The following SHANK2 variants were observed in gnomAD, a reference collection of about 807,000 sequenced individuals.
The protein encoded by SHANK2 is SH3 and multiple ankyrin repeat domains protein 2.
In SHANK2, 43 loss-of-function variants were observed where a neutral mutation model predicts 133.7. The ratio of observed to expected loss-of-function variants is 0.32; its 90% CI spans 0.25 to 0.41. The LOEUF is 0.41. Among genes scored for constraint, SHANK2 ranks in the 10% least tolerant of loss-of-function variants. The pLI is 1.00. For synonymous variants in SHANK2, 1,017 were observed against 952.8 expected (o/e 1.07, Z -1.24); for missense variants, 1,994 against 2,235.8 (o/e 0.89, Z 2.18).
At chr11:70,567,496 G>A (rs1447295407) in intron 17 of SHANK2, among the ~76,000 whole-genome samples, 2 of 152,018 alleles carry the variant, frequency 1.3e-5, no homozygotes, top group Non-Finnish European at 2.9e-5. Flanking sequence ...GTGTGGTGGC[G>A]GGTGCCTATA....
At chr11:70,782,068 T>C (rs1412663062) in intron 14 of SHANK2, among the ~76,000 whole-genome samples, 1 of 152,140 alleles carries the variant, frequency 6.6e-6, no homozygotes, top group Non-Finnish European at 1.5e-5. Flanking sequence ...ACAATGAGAA[T>C]ACTTATTTAT....
chr11:70,885,162 TCTCCCGTAAG>T (rs1352428372), intron 11 of SHANK2, among the ~76,000 whole-genome samples: 1 of 150,678 alleles, frequency 6.6e-6, no homozygotes, highest in African/African-American at 2.4e-5. Flanking sequence ...AACAAAGTCA[TCTCCCGTAAG>T]TGCCCTGGGA....
upstream of SHANK2, among the ~76,000 whole-genome samples, chr11:71,252,958 T>G (rs1591054462): frequency 6.6e-6 from 1 of 152,148 alleles, no homozygotes; most frequent in South Asian, 2.1e-4. The surrounding 1 kb of genome is among the most constrained non-coding windows in gnomAD (Gnocchi z 6.3). Flanking sequence ...CGCCACAGAG[T>G]ATTTATAATA....
At chr11:70,651,757 CA>C (rs2061342021) in intron 17 of SHANK2, among the ~76,000 whole-genome samples, 1 of 152,170 alleles carries the variant, frequency 6.6e-6, no homozygotes, top group African/African-American at 2.4e-5. Flanking sequence ...CCTTGATGAC[CA>C]AAGCACCAAT....
chr11:70,805,523 G>A (rs535752495), intron 13 of SHANK2, among the ~76,000 whole-genome samples: 30 of 152,340 alleles, frequency 2.0e-4, no homozygotes, highest in African/African-American at 6.0e-4. Context: ...CTTGTCACCC[G>A]ACATCTCAGG....
At chr11:71,095,347 C>G (rs1203285032) in intron 6 of SHANK2, among the ~76,000 whole-genome samples, 1 of 152,232 alleles carries the variant, frequency 6.6e-6, no homozygotes, top group African/African-American at 2.4e-5. Context: ...ATGAGCGTGG[C>G]TAAGGACGTC....
chr11:71,250,789 G>C (rs1948164771), intron 1 of SHANK2, among the ~76,000 whole-genome samples: 1 of 152,130 alleles, frequency 6.6e-6, no homozygotes. Flanking sequence ...CCTTTTCCAG[G>C]GGCGCAGAAC....
intron 17 of SHANK2, among the ~76,000 whole-genome samples, chr11:70,650,081 G>A (rs1002610812): frequency 9.2e-5 from 14 of 152,338 alleles, no homozygotes; most frequent in African/African-American, 3.4e-4. Context: ...GGTCATGGAA[G>A]CACACGGTGT....
intron 17 of SHANK2, among the ~76,000 whole-genome samples, chr11:70,613,763 G>GTTTTTC (rs2060698279): frequency 8.1e-6 from 1 of 123,776 alleles, no homozygotes. Flanking sequence ...AGGGGAACTT[G>GTTTTTC]TTTTTTTTTT....
chr11:70,886,564 C>T (rs1233554245), intron 11 of SHANK2, among the ~76,000 whole-genome samples: 1 of 152,156 alleles, frequency 6.6e-6, no homozygotes, highest in Non-Finnish European at 1.5e-5. Flanking sequence ...GTCAAAATGC[C>T]AGGTAAACTG....
chr11:70,487,416 G>A lies in SHANK2; in HGVS notation c.2877C>T (p.Tyr959=), dbSNP rs140016261. ...GMYFRRELDR[Y]SLDSEDLYSR... is the part of the protein sequence containing the mutation. ...TGTAGAGGTCTTCAGAGTCCAAGGA[G>A]TAGCGGTCCAGCTCTCTCCTGAAGT... The change falls in exon 25 of 26, where the codon TAC becomes TAT. Residue 959 remains tyrosine (Y), a synonymous_variant. Transcript: ENST00000601538. This position sits in a 1 kb window ranked among gnomAD's most constrained non-coding sequence, Gnocchi z 5.8. 37 of 1,614,170 alleles carry A rather than the reference G, an allele frequency of 2.3e-5. No individual in the cohort carries two copies. In the African/African-American group the frequency reaches 4.7e-4, roughly 20 times the overall value.
At chr11:71,178,801 C>A (rs7931474) in intron 2 of SHANK2, among the ~76,000 whole-genome samples, 1 of 150,972 alleles carries the variant, frequency 6.6e-6, no homozygotes, top group Non-Finnish European at 1.5e-5. Context: ...CTGGCCAACA[C>A]GGTGAAACAC....
intron 11 of SHANK2, among the ~76,000 whole-genome samples, chr11:70,876,929 C>T (rs555956538): frequency 6.6e-6 from 1 of 152,284 alleles, no homozygotes; most frequent in Non-Finnish European, 1.5e-5. Flanking sequence ...GGACACTGGC[C>T]AACAAAGGGC....
At position 70,713,143 on chromosome 11, in the gene SHANK2, G is replaced by A. The variant is rs539421725; in HGVS notation, c.1778-14380C>T. Among the ~76,000 whole-genome samples, 11 of 152,294 alleles carry A rather than the reference G, an allele frequency of 7.2e-5. No homozygotes were observed. In the South Asian group the frequency reaches 2.3e-3, roughly 32 times the overall value. The stretch of plus-strand genomic sequence containing the variant: ...CAGCCCTGTCGGGCACGTGCCAGTG[G>A]GTCCTCAGCACTCTGACACCACACA... On this transcript the variant is annotated intron_variant, in intron 14 of 25. Transcript: ENST00000601538.
intron 10 of SHANK2, among the ~76,000 whole-genome samples, chr11:70,955,422 G>GT (rs1950904837): frequency 6.8e-6 from 1 of 146,458 alleles, no homozygotes; most frequent in Non-Finnish European, 1.5e-5. Context: ...AGACCCACGG[G>GT]GTGTGTGTGT....
intron 3 of SHANK2, among the ~76,000 whole-genome samples, chr11:71,146,374 G>A (rs1247461247): frequency 6.6e-6 from 1 of 152,138 alleles, no homozygotes; most frequent in South Asian, 2.1e-4. Flanking sequence ...CTCTGCACAC[G>A]AAGCTCCCCT....
chr11:70,617,277 G>C (rs2060759798), intron 17 of SHANK2, among the ~76,000 whole-genome samples: 1 of 151,364 alleles, frequency 6.6e-6, no homozygotes. Context: ...GTCTATGATG[G>C]TGTATGTTTG....
At chr11:70,491,833 C>A (rs1395998312) in intron 22 of SHANK2, among the ~76,000 whole-genome samples, 2 of 152,254 alleles carry the variant, frequency 1.3e-5, no homozygotes, top group Admixed American at 6.5e-5. Context: ...GGGCAGCCTG[C>A]TCTGAGCCAG....
chr11:71,215,308 G>A (rs188830715), intron 2 of SHANK2, among the ~76,000 whole-genome samples: 16 of 152,286 alleles, frequency 1.1e-4, no homozygotes, highest in African/African-American at 2.6e-4. Context: ...TGCCCCCTGC[G>A]TCTGTACTTT....
Sources: allele counts gnomAD v4.1 joint callset (sites outside exome capture counted in the v4.1 genomes callset), GRCh38; gene constraint gnomAD v4.1.1; non-coding constraint Gnocchi (gnomAD v3.1); transcripts MANE v1.5; gene names NCBI Gene and HGNC (gene_info 2026-07-23, HGNC 2026-07-21).